The following CAPZB variants were observed in gnomAD, a reference collection of about 807,000 sequenced individuals.
The protein encoded by CAPZB is F-actin-capping protein subunit beta.
In CAPZB, 2 loss-of-function variants were observed where a neutral mutation model predicts 38.1. The observed-to-expected ratio is 0.05, with a 90% CI of 0.02 to 0.17. CAPZB has a LOEUF of 0.17. CAPZB is among the 10% of genes least tolerant of loss of function. The pLI is 1.00. For missense variants in CAPZB, 161 were observed against 334.2 expected (o/e 0.48, Z 4.04); for synonymous variants, 107 against 127.4 (o/e 0.84, Z 1.08).
chr1:19,342,677 C>A lies in CAPZB; in HGVS notation c.731+1681G>T, dbSNP rs1352799855. ...GTTTAAATGGCCGCGGAGCAGCAGC[C>A]GGACCGGCAGGGTCTCGGCGGGTTG... On this transcript the variant is annotated intron_variant, in intron 8 of 8. Coordinates refer to ENST00000264202, the MANE Select transcript of CAPZB (RefSeq NM_004930.5). The A allele has an allele frequency of 4.4e-5, 40 of 917,130 alleles. No individual in the cohort carries two copies. In the Admixed American group the frequency reaches 6.4e-4, roughly 15 times the overall value. 56.8% of individuals were successfully genotyped at this position (917,130 alleles called of 1,614,324 possible).
intron 1 of CAPZB, among the ~76,000 whole-genome samples, chr1:19,464,726 A>G (rs1042750669): frequency 1.3e-5 from 2 of 152,244 alleles, no homozygotes; most frequent in Non-Finnish European, 2.9e-5. Flanking sequence ...AAAAGGAAAT[A>G]TTAATACATG....
chr1:19,365,968 T>C (rs991595229), intron 4 of CAPZB, among the ~76,000 whole-genome samples: 1 of 152,028 alleles, frequency 6.6e-6, no homozygotes, highest in Non-Finnish European at 1.5e-5. Context: ...GAAGTGTTGA[T>C]GTAACTGAAA....
At chr1:19,371,945 G>A (rs2094121468) in intron 4 of CAPZB, among the ~76,000 whole-genome samples, 1 of 152,256 alleles carries the variant, frequency 6.6e-6, no homozygotes, top group South Asian at 2.1e-4. Flanking sequence ...ATGGCCCAGA[G>A]AGGGGACAGG....
chr1:19,465,024 TTTATTACTTGCAAA>T (rs1417806975), intron 1 of CAPZB, among the ~76,000 whole-genome samples: 19 of 152,146 alleles, frequency 1.2e-4, no homozygotes, highest in African/African-American at 4.6e-4. Flanking sequence ...GCTGGTTAAT[TTTATTACTTGCAAA>T]TAATACCCTG....
chr1:19,404,302 G>A (rs527669377), intron 2 of CAPZB, among the ~76,000 whole-genome samples: 5 of 150,954 alleles, frequency 3.3e-5, no homozygotes, highest in Non-Finnish European at 7.4e-5. Context: ...TCAGCACTTT[G>A]GGAGGCCGAG....
At position 19,444,015 on chromosome 1, in the gene CAPZB, G is replaced by A. The variant is rs184488412; in HGVS notation, c.4-24265C>T. Among the ~76,000 whole-genome samples the A allele has an allele frequency of 1.8e-3, 274 of 152,258 alleles. 2 individuals carry two copies. The South Asian group carries it at 0.024, about 13-fold the overall frequency. Reference sequence around the variant, plus strand: ...TCTACTAAAAATACAAAAATTAGCCGGGCGTGGCGGAGCACGCCTGTAATC... The same window carrying A: ...TCTACTAAAAATACAAAAATTAGCCAGGCGTGGCGGAGCACGCCTGTAATC... On this transcript the variant is annotated intron_variant, in intron 1 of 8. Coordinates refer to ENST00000264202, the MANE Select transcript of CAPZB (RefSeq NM_004930.5).
chr1:19,391,920 C>T (rs974067634), intron 2 of CAPZB, among the ~76,000 whole-genome samples: 1 of 152,196 alleles, frequency 6.6e-6, no homozygotes, highest in South Asian at 2.1e-4. Context: ...TGGTGGCTCA[C>T]GCCTGTAACC....
chr1:19,470,564 C>T (rs1003367324), intron 1 of CAPZB, among the ~76,000 whole-genome samples: 5 of 152,206 alleles, frequency 3.3e-5, no homozygotes, highest in Admixed American at 2.0e-4. Context: ...AAGACTCACA[C>T]AAGAGTGTAG....
chr1:19,356,520 T>C lies in CAPZB; in HGVS notation c.588+115A>G, dbSNP rs1208261844. 3 of 776,340 alleles carry C rather than the reference T, an allele frequency of 3.9e-6. No individual in the cohort carries two copies. In the East Asian group the frequency reaches 7.3e-5, roughly 19 times the overall value. 48.1% of individuals were successfully genotyped at this position (776,340 alleles called of 1,614,324 possible). On this transcript the variant is annotated intron_variant, in intron 6 of 8. Coordinates refer to ENST00000264202, the MANE Select transcript of CAPZB (RefSeq NM_004930.5). This position sits in a 1 kb window ranked among gnomAD's most constrained non-coding sequence, Gnocchi z 4.3. Reference sequence around the variant, plus strand: ...AAGCCCTACTTAGATGGTGGATTTATAGCTGGCTGAACATGCTTACCCTAA... The same window carrying C: ...AAGCCCTACTTAGATGGTGGATTTACAGCTGGCTGAACATGCTTACCCTAA...
At chr1:19,464,100 T>C (rs980230025) in intron 1 of CAPZB, among the ~76,000 whole-genome samples, 1 of 150,774 alleles carries the variant, frequency 6.6e-6, no homozygotes, top group African/African-American at 2.4e-5. Flanking sequence ...GGCAGGAGAA[T>C]TGCTTTAACC....
chr1:19,350,516 G>A (rs1295319589), intron 6 of CAPZB, among the ~76,000 whole-genome samples: 1 of 152,260 alleles, frequency 6.6e-6, no homozygotes, highest in African/African-American at 2.4e-5. Flanking sequence ...CGGCTTCCCA[G>A]GGAAAGTTAC....
intron 2 of CAPZB, among the ~76,000 whole-genome samples, chr1:19,410,582 C>T (rs944722463): frequency 2.0e-5 from 3 of 152,146 alleles, no homozygotes; most frequent in Non-Finnish European, 2.9e-5. Flanking sequence ...TTGAAGGGAG[C>T]GGCGGCTCCT....
intron 1 of CAPZB, among the ~76,000 whole-genome samples, chr1:19,442,898 C>A (rs563287623): frequency 6.6e-6 from 1 of 152,212 alleles, no homozygotes; most frequent in South Asian, 2.1e-4. Flanking sequence ...CTCCTCTGTG[C>A]GGCGCAAACA....
chr1:19,469,331 C>T (rs1305790193), intron 1 of CAPZB, among the ~76,000 whole-genome samples: 2 of 152,160 alleles, frequency 1.3e-5, no homozygotes, highest in African/African-American at 2.4e-5. Flanking sequence ...TTTCTATATA[C>T]AGCAATTGAT....
chr1:19,444,745 T>C (rs1220585421), intron 1 of CAPZB, among the ~76,000 whole-genome samples: 2 of 152,122 alleles, frequency 1.3e-5, no homozygotes, highest in East Asian at 1.9e-4. Flanking sequence ...AATTTTTGTA[T>C]TTTATTTTTA....
At chr1:19,431,060 C>T (rs59965150) in intron 1 of CAPZB, among the ~76,000 whole-genome samples, 53 of 152,230 alleles carry the variant, frequency 3.5e-4, no homozygotes, top group Admixed American at 1.8e-3. Flanking sequence ...ACCATATAAA[C>T]GGTGGAAAAT....
intron 2 of CAPZB, among the ~76,000 whole-genome samples, chr1:19,409,779 T>C (rs1481312484): frequency 2.0e-5 from 3 of 152,258 alleles, no homozygotes; most frequent in Admixed American, 6.5e-5. Flanking sequence ...CCTTGCTTTT[T>C]AATTTTGTGT....
intron 1 of CAPZB, chr1:19,484,659 C>G (rs956862424): frequency 2.1e-5 from 24 of 1,159,040 alleles, no homozygotes; most frequent in African/African-American, 6.4e-5. Flanking sequence ...GCCCCAGGTA[C>G]AGGGAAGGGG....
chr1:19,416,766 A>G (rs945812017), intron 2 of CAPZB, among the ~76,000 whole-genome samples: 3 of 150,582 alleles, frequency 2.0e-5, no homozygotes, highest in Non-Finnish European at 4.4e-5. Flanking sequence ...AGGCTGAGGC[A>G]GAAGATCATT....
Sources: allele counts gnomAD v4.1 joint callset (sites outside exome capture counted in the v4.1 genomes callset), GRCh38; gene constraint gnomAD v4.1.1; non-coding constraint Gnocchi (gnomAD v3.1); transcripts MANE v1.5; gene names NCBI Gene and HGNC (gene_info 2026-07-23, HGNC 2026-07-21).